CHTF18: variants seen among roughly 807,000 people sequenced by gnomAD.
CHTF18 encodes the protein chromosome transmission fidelity factor 18, also known as chromosome transmission fidelity protein 18 homolog.
CHTF18 carries 151 observed loss-of-function variants against 113.4 expected under a neutral mutation model. That is an observed-to-expected ratio of 1.33 (90% CI 1.17 to 1.52). The LOEUF is 1.52. Among genes scored for constraint, CHTF18 ranks in the 40% most tolerant of loss-of-function variants. CHTF18 has a pLI of 0.00. For synonymous variants in CHTF18, 916 were observed against 598.8 expected, an observed-to-expected ratio of 1.53 and a Z score of -7.74; for missense variants, 1,982 against 1,381.6, an observed-to-expected ratio of 1.43 and a Z score of -6.89.
intron 15 of CHTF18, chr16:794,889 C>A: frequency 3.7e-6 from 2 of 546,048 alleles, no homozygotes; most frequent in Non-Finnish European, 6.5e-6. Flanking sequence ...CAGTCTCTGT[C>A]AAGCTGTAGC....
chr16:790,989 G>T (rs2042180937), intron 7 of CHTF18, 172 bp from the exon 8 acceptor site: 3 of 1,452,906 alleles, frequency 2.1e-6, no homozygotes, highest in South Asian at 2.8e-5. Flanking sequence ...GAGCCGTGGG[G>T]GTGGAGCCCC....
Position 791,568 on chromosome 16 carries a change from C to A in CHTF18, c.1104+198C>A. ...GGGAAGTCGTTGTCCCTGAAGGGCT[C>A]TGCGGCTGGCCAGGATGATCTGGGT... is the stretch of plus-strand genomic sequence containing the variant. On this transcript the variant is annotated intron_variant, in intron 8 of 21. Transcript: ENST00000262315. 6 of 1,433,740 alleles carry A rather than the reference C, an allele frequency of 4.2e-6. No individual in the cohort carries two copies. The South Asian group carries it at 9.0e-5, about 21-fold the overall frequency. The allele number at this position is 1,433,740 out of a possible 1,614,324, so 88.8% of individuals were successfully genotyped here.
Position 796,819 on chromosome 16 carries a change from GC to G in CHTF18, c.2560del (p.Arg854GlyfsTer9), listed in dbSNP as rs2042361596. On this transcript the variant is annotated frameshift_variant, in exon 19 of 22. Coordinates refer to ENST00000262315, the MANE Select transcript of CHTF18 (RefSeq NM_022092.3). LOFTEE classifies it high-confidence loss of function. Reference sequence around the variant, plus strand: ...CCCGCGAGATCGAGGTGGAGAAGATGCGGCGGGCGGAGGCTTCTGCCCGGGT... The same window carrying G: ...CCCGCGAGATCGAGGTGGAGAAGATGGGCGGGCGGAGGCTTCTGCCCGGGT... Reference protein sequence around the residue: ...IAREIEVEKMRRAEASARVEN... With the variant: ...IAREIEVEKMXRAEASARVEN... 1 of 1,607,322 alleles carries G rather than the reference GC, an allele frequency of 6.2e-7. No homozygotes were observed. Among genetic ancestry groups the G allele is most frequent in the Admixed American group, 1.7e-5 (1 of 59,912 alleles).
chr16:792,808 G>A lies in CHTF18; in HGVS notation c.1569G>A (p.Gln523=). ...TLPSRLVQRL[Q]EVSLRQGMRA... is the part of the protein sequence containing the mutation. ...CCTCGAGGCTGGTGCAGCGGCTCCA[G>A]GAGGTCGGTGGAGCCCCAGGAGCCG... Residue 523 remains glutamine, a synonymous_variant, in exon 12 of 22, where the codon CAG becomes CAA. Transcript: ENST00000262315. The A allele has an allele frequency of 6.5e-7, 1 of 1,540,426 alleles. No individual in the cohort carries two copies. The highest frequency in any genetic ancestry group is 8.7e-7 in the Non-Finnish European group (1 of 1,147,076).
rs760787937 is a variant in CHTF18 at position 790,763 on chromosome 16, C to T, written c.894+97C>T. On this transcript the variant is annotated intron_variant, in intron 7 of 21. Transcript: ENST00000262315. The stretch of plus-strand genomic sequence containing the variant: ...ATTTTTGCACAGCCAATCCACTGGG[C>T]CTCGGAGACGGAGTGGGCTCTGGTT... The T allele has an allele frequency of 6.9e-6, 10 of 1,442,530 alleles. No homozygotes were observed. In the Admixed American group the frequency reaches 1.7e-4, roughly 25 times the overall value. 89.4% of individuals were successfully genotyped at this position (1,442,530 alleles called of 1,614,324 possible). A position where few individuals can be genotyped will look rare whatever the true frequency, so the allele number is the denominator to read the frequency against.
At position 792,734 on chromosome 16, in the gene CHTF18, C is replaced by T. The variant is rs781134628; in HGVS notation, c.1495C>T (p.Arg499Trp). The change falls in exon 12 of 22, where the codon CGG becomes TGG. Residue 499 changes from arginine (R) to tryptophan (W), a missense_variant. Physicochemically the swap from Arg to Trp is moderately radical, Grantham distance 101 (BLOSUM62 -3). Coordinates refer to ENST00000262315, the MANE Select transcript of CHTF18 (RefSeq NM_022092.3). ...ICNDQFAPSL[R>W]QLKQQAFLLH... is the part of the protein sequence containing the mutation. ...TCTCCTCAGGTTCGCACCGTCCCTG[C>T]GGCAGCTGAAGCAGCAGGCCTTCCT... 40 of 1,557,096 alleles carry T rather than the reference C, an allele frequency of 2.6e-5. No homozygotes were observed. Among genetic ancestry groups the T allele is most frequent in the Admixed American group, 7.6e-5 (4 of 52,872 alleles).
At position 795,321 on chromosome 16, in the gene CHTF18, A is replaced by G; in HGVS notation, c.2140A>G (p.Thr714Ala). ...AFHVLFASSH[T>A]PRITFPSSQQ... Reference sequence around the variant, plus strand: ...CCATGTGCTGTTTGCTTCCAGCCACACACCCAGGATCACCTTCCCCAGCAG... The same window carrying G: ...CCATGTGCTGTTTGCTTCCAGCCACGCACCCAGGATCACCTTCCCCAGCAG... The change falls in exon 16 of 22, where the codon ACA becomes GCA. Residue 714 changes from threonine (T) to alanine (A), a missense_variant. Coordinates refer to ENST00000262315, the MANE Select transcript of CHTF18 (RefSeq NM_022092.3). 1.3e-6 allele frequency: 2 copies of G among 1,546,724 alleles called. No individual in the cohort carries two copies. Among genetic ancestry groups the G allele is most frequent in the East Asian group, 2.5e-5 (1 of 40,748 alleles).
At chr16:791,649 G>C in intron 8 of CHTF18, 1 of 1,429,188 alleles carries the variant, frequency 7.0e-7, no homozygotes, top group South Asian at 1.5e-5. Context: ...TGTTTTGTCT[G>C]CACGAACTTT....
Position 792,333 on chromosome 16 carries a change from G to T in CHTF18, c.1312G>T (p.Asp438Tyr). 1 of 1,553,648 alleles carries T rather than the reference G, an allele frequency of 6.4e-7. No individual in the cohort carries two copies. Among genetic ancestry groups the T allele is most frequent in the Non-Finnish European group, 8.7e-7 (1 of 1,149,038 alleles). ...KPNCLVIDEIDGAPVAAINVL... is the reference protein window; with the variant it reads ...KPNCLVIDEIYGAPVAAINVL... The stretch of plus-strand genomic sequence containing the variant: ...CAACTGCCTGGTCATCGATGAGATC[G>T]ACGGGGCCCCCGTGGTGGGCTCCTT... Residue 438 changes from aspartate (D) to tyrosine (Y), a missense_variant, in exon 10 of 22, where the codon GAC (aspartate) becomes TAC (tyrosine). Asp to Tyr is a radical substitution (Grantham distance 160). Transcript: ENST00000262315.
chr16:796,435 G>A (rs1240117213), intron 18 of CHTF18, among the ~76,000 whole-genome samples: 1 of 152,240 alleles, frequency 6.6e-6, no homozygotes, highest in African/African-American at 2.4e-5. Flanking sequence ...GGGTCCTGCT[G>A]CCCCAGCGAC....
At chr16:793,439 G>C (rs943927161) in intron 14 of CHTF18, among the ~76,000 whole-genome samples, 165 bp downstream of exon 14, 10 of 152,152 alleles carry the variant, frequency 6.6e-5, no homozygotes, top group Non-Finnish European at 2.9e-5. Flanking sequence ...TTCCTGGCTT[G>C]TTCTCGCCCC....
At chr16:792,063 G>A (rs2042212110) in intron 9 of CHTF18, 115 bp downstream of exon 9, 1 of 1,538,760 alleles carries the variant, frequency 6.5e-7, no homozygotes, top group African/African-American at 1.4e-5. Context: ...TGGGGGCCTG[G>A]GTGTGTGGGC....
rs773816299 is a variant in CHTF18, at chr16:792,224, T to C, written c.1203T>C (p.Ser401=). Residue 401 remains serine (S), a splice_region_variant and synonymous_variant, in exon 10 of 22, where the codon AGT becomes AGC. Coordinates refer to ENST00000262315, the MANE Select transcript of CHTF18 (RefSeq NM_022092.3). The part of the protein sequence containing the change: ...AGYSVVEMNA[S]DDRSPEVFRT... ...ACGACCCCTGACCTCCCCATTGCAG[T>C]GACGACCGTAGCCCGGAGGTCTTCC... 6.4e-7 allele frequency: 1 copy of C among 1,571,366 alleles called. No homozygotes were observed.
chr16:795,720 C>A lies in CHTF18; in HGVS notation c.2211C>A (p.Ile737=). Residue 737 remains isoleucine, a synonymous_variant, in exon 17 of 22, where the codon ATC becomes ATA. Transcript: ENST00000262315. ...QNRMSQMRNL[I]QTLVSGIAPA... is the part of the protein sequence containing the mutation. Reference sequence around the variant, plus strand: ...GGATGAGCCAGATGAGGAACCTGATCCAGACGCTGGTGTCCGGCATCGCGC... The same window carrying A: ...GGATGAGCCAGATGAGGAACCTGATACAGACGCTGGTGTCCGGCATCGCGC... 2 of 1,606,442 alleles carry A rather than the reference C, an allele frequency of 1.2e-6. No homozygotes were observed. Among genetic ancestry groups the A allele is most frequent in the Non-Finnish European group, 1.7e-6 (2 of 1,178,076 alleles).
chr16:795,222 C>T lies in CHTF18; in HGVS notation c.2041C>T (p.Leu681=), dbSNP rs957181678. ...CCTCGACTGGCTGGCCTTCGATGAC[C>T]TGCTGGCGGGGGCTGCTCATCACAG... ...VALDWLAFDD[L]LAGAAHHSQS... The change falls in exon 16 of 22, where the codon CTG becomes TTG. Residue 681 remains leucine, a synonymous_variant. Coordinates refer to ENST00000262315, the MANE Select transcript of CHTF18 (RefSeq NM_022092.3). 3.9e-6 allele frequency: 6 copies of T among 1,553,582 alleles called. No individual in the cohort carries two copies. Among genetic ancestry groups the T allele is most frequent in the African/African-American group, 1.4e-5 (1 of 73,284 alleles).
chr16:794,872 G>T, intron 15 of CHTF18: 1 of 473,814 alleles, frequency 2.1e-6, no homozygotes, highest in Non-Finnish European at 3.6e-6. Flanking sequence ...GTCAGTCTCT[G>T]TCAAGTCAGT....
Position 791,207 on chromosome 16 carries a change from T to C in CHTF18, c.941T>C (p.Val314Ala). ...LLKWLKLWDL[V>A]VFGHERPSRK... ...AAGTGGCTGAAGTTGTGGGACCTGG[T>C]GGTGTTTGGCCACGAGAGGCCTTCC... Residue 314 changes from valine to alanine, a missense_variant, in exon 8 of 22, where the codon GTG (valine) becomes GCG (alanine). Physicochemically the swap from Val to Ala is moderately conservative, Grantham distance 64. Transcript: ENST00000262315. 6.2e-7 allele frequency: 1 copy of C among 1,611,566 alleles called. No individual in the cohort carries two copies. The highest frequency in any genetic ancestry group is 2.2e-5 in the East Asian group (1 of 44,852).
At chr16:790,743 T>C in intron 7 of CHTF18, 77 bp downstream of exon 7, 1 of 1,455,200 alleles carries the variant, frequency 6.9e-7, no homozygotes, top group Non-Finnish European at 9.0e-7. Flanking sequence ...CAGTGATTTT[T>C]GCACAGCCAA....
rs1567387237 is a variant in CHTF18, at chr16:788,912, C to CA, written c.92-17dup. 2 of 1,524,816 alleles carry CA rather than the reference C, an allele frequency of 1.3e-6. No homozygotes were observed. Among genetic ancestry groups the CA allele is most frequent in the South Asian group, 1.2e-5 (1 of 81,704 alleles). The allele number at this position is 1,524,816 out of a possible 1,614,324, so 94.5% of individuals were successfully genotyped here. A position where few individuals can be genotyped will look rare whatever the true frequency, so the allele number is the denominator to read the frequency against. ...TCTGCTGTCTCGGGGCGGCCGCTGA[C>CA]AATCTCCTCTCCCAGCAGGGGCGTC... On this transcript the variant is annotated intron_variant, in intron 1 of 21. Transcript: ENST00000262315.
Sources: allele counts gnomAD v4.1 joint callset (sites outside exome capture counted in the v4.1 genomes callset), GRCh38; gene constraint gnomAD v4.1.1; transcripts MANE v1.5; gene names NCBI Gene and HGNC (gene_info 2026-07-23, HGNC 2026-07-21).